Variants in NRXN3 observed in about 807,000 individuals in gnomAD.
The protein encoded by NRXN3 is neurexin III.
In NRXN3, 32 loss-of-function variants were observed where a neutral mutation model predicts 137.6. That is an observed-to-expected ratio of 0.23 (90% CI 0.18 to 0.31). The LOEUF is 0.31. NRXN3 is among the 10% of genes least tolerant of loss of function. The pLI is 1.00. For synonymous variants in NRXN3, 798 were observed against 784.5 expected, an observed-to-expected ratio of 1.02 and a Z score of -0.29; for missense variants, 1,574 against 2,062.5, an observed-to-expected ratio of 0.76 and a Z score of 4.59.
intron 7 of NRXN3, among the ~76,000 whole-genome samples, chr14:78,713,596 TAAAGA>T (rs1482203432): frequency 2.0e-5 from 3 of 152,214 alleles, no homozygotes; most frequent in African/African-American, 7.2e-5. Flanking sequence ...ATGCTGCTAA[TAAAGA>T]CAAACCCAAG....
chr14:78,819,652 A>G (rs2098944929), intron 10 of NRXN3, among the ~76,000 whole-genome samples: 1 of 152,184 alleles, frequency 6.6e-6, no homozygotes, highest in South Asian at 2.1e-4. Context: ...GTAAATTTAA[A>G]TGGAAACTGG....
At chr14:79,643,072 A>T (rs2098439762) in intron 16 of NRXN3, among the ~76,000 whole-genome samples, 1 of 135,918 alleles carries the variant, frequency 7.4e-6, no homozygotes, top group African/African-American at 2.4e-5. Context: ...CTGCTCTGTT[A>T]TTCGTGTGAA....
intron 15 of NRXN3, among the ~76,000 whole-genome samples, chr14:79,367,245 A>G (rs2093931377): frequency 6.6e-6 from 1 of 152,152 alleles, no homozygotes; most frequent in Admixed American, 6.5e-5. Flanking sequence ...AGCCTCCAAA[A>G]GTGCTGGGAT....
At chr14:79,655,588 A>T (rs565792873) in intron 16 of NRXN3, among the ~76,000 whole-genome samples, 1 of 152,112 alleles carries the variant, frequency 6.6e-6, no homozygotes, top group Non-Finnish European at 1.5e-5. Flanking sequence ...CTTTTTTTTC[A>T]TGCAATACAT....
At chr14:79,507,846 G>A (rs1261129703) in intron 16 of NRXN3, among the ~76,000 whole-genome samples, 1 of 152,146 alleles carries the variant, frequency 6.6e-6, no homozygotes, top group Non-Finnish European at 1.5e-5. Context: ...GCAGACAGAA[G>A]TATATAGTGT....
chr14:79,342,016 G>T lies in NRXN3; in HGVS notation c.3263-125205G>T, dbSNP rs923707072. 2.0e-5 allele frequency among the ~76,000 whole-genome samples: 3 copies of T among 152,148 alleles called. 1 individual carries two copies. Among genetic ancestry groups the T allele is most frequent in the African/African-American group, 7.2e-5 (3 of 41,422 alleles). ...CCTGGTTTAAAAGCTAGAATCAAAA[G>T]AATTTTGTCTAGACCTAATGCATAC... is the stretch of plus-strand genomic sequence containing the variant. On this transcript the variant is annotated intron_variant, in intron 15 of 20. Transcript: ENST00000335750.
At chr14:78,394,491 T>C (rs1598185333) in intron 4 of NRXN3, among the ~76,000 whole-genome samples, 1 of 151,888 alleles carries the variant, frequency 6.6e-6, no homozygotes, top group South Asian at 2.1e-4. Flanking sequence ...TTTGTTAAGG[T>C]TTTTTGTGTC....
chr14:78,867,803 T>C (rs1442349138), intron 10 of NRXN3, among the ~76,000 whole-genome samples: 1 of 152,078 alleles, frequency 6.6e-6, no homozygotes, highest in Non-Finnish European at 1.5e-5. Context: ...GACTGTCCAC[T>C]CTTTATCAAA....
chr14:79,257,575 T>TGGTGGTGATGGTGGTGGTGGTGGC, intron 15 of NRXN3, among the ~76,000 whole-genome samples: 3 of 127,540 alleles, frequency 2.4e-5, no homozygotes, highest in Non-Finnish European at 5.0e-5. Flanking sequence ...GTGGTGGTGG[T>TGGTGGTGATGGTGGTGGTGGTGGC]GGTGATGGTA....
At chr14:79,297,686 G>C (rs748382803) in intron 15 of NRXN3, among the ~76,000 whole-genome samples, 9 of 152,114 alleles carry the variant, frequency 5.9e-5, no homozygotes, top group Non-Finnish European at 1.3e-4. Context: ...GTTAAGGACA[G>C]GGTGGTGGCA....
chr14:78,180,307 A>T (rs1468265486), intron 1 of NRXN3, among the ~76,000 whole-genome samples: 1 of 152,232 alleles, frequency 6.6e-6, no homozygotes, highest in Non-Finnish European at 1.5e-5. Context: ...AGGTTGGAAG[A>T]ACAGCCACCT....
chr14:78,880,232 T>A, intron 10 of NRXN3, among the ~76,000 whole-genome samples: 1 of 91,950 alleles, frequency 1.1e-5, no homozygotes, highest in Admixed American at 1.6e-4. Context: ...AGAGCGAGAC[T>A]CCGTCTCAAA....
rs1297701522 is a variant in NRXN3 at position 79,504,670 on chromosome 14, T to TATATATATATAA, written c.3444+37273_3444+37274insTATATAAATATA. Among the ~76,000 whole-genome samples the TATATATATATAA allele has an allele frequency of 7.7e-5, 11 of 143,118 alleles. 1 individual carries two copies. The highest frequency in any genetic ancestry group is 2.9e-4 in the African/African-American group (11 of 37,996). 93.9% of individuals were successfully genotyped at this position (143,118 alleles called of 152,430 possible). A position where few individuals can be genotyped will look rare whatever the true frequency, so the allele number is the denominator to read the frequency against. ...ATATATATATGTATATATATATATA[T>TATATATATATAA]ATATAAAACATTACACATTTAGGAC... On this transcript the variant is annotated intron_variant, in intron 16 of 20. Transcript: ENST00000335750.
intron 10 of NRXN3, among the ~76,000 whole-genome samples, chr14:78,916,614 A>G (rs561626789): frequency 1.3e-5 from 2 of 152,290 alleles, no homozygotes; most frequent in African/African-American, 4.8e-5. Flanking sequence ...TCCGAGACAT[A>G]AGGAGAGGCT....
chr14:79,458,727 T>A (rs900970832), intron 15 of NRXN3, among the ~76,000 whole-genome samples: 5 of 152,192 alleles, frequency 3.3e-5, no homozygotes, highest in African/African-American at 1.2e-4. Context: ...GAAACTAGCA[T>A]GGTTATGAAA....
At chr14:79,100,127 A>G (rs1217224755) in intron 15 of NRXN3, among the ~76,000 whole-genome samples, 1 of 152,168 alleles carries the variant, frequency 6.6e-6, no homozygotes, top group African/African-American at 2.4e-5. Context: ...AATTTTGTAC[A>G]TTGCTTCTCT....
At chr14:79,497,655 A>G (rs372952710) in intron 16 of NRXN3, among the ~76,000 whole-genome samples, 1 of 152,144 alleles carries the variant, frequency 6.6e-6, no homozygotes, top group African/African-American at 2.4e-5. Flanking sequence ...GACTTTTTAA[A>G]TATTGTTTGT....
chr14:78,916,374 T>C (rs1176334390), intron 10 of NRXN3, among the ~76,000 whole-genome samples: 1 of 152,150 alleles, frequency 6.6e-6, no homozygotes, highest in East Asian at 1.9e-4. Context: ...AGACAGTTAA[T>C]GCAGAGTTTT....
intron 10 of NRXN3, among the ~76,000 whole-genome samples, chr14:78,936,786 A>G (rs1454507550): frequency 2.0e-5 from 3 of 152,176 alleles, no homozygotes; most frequent in Non-Finnish European, 4.4e-5. Flanking sequence ...CTTGATAGAG[A>G]GACCACTGAA....
Sources: gnomAD v4.1 joint callset for allele counts (sites outside exome capture counted in the v4.1 genomes callset) on GRCh38, gnomAD v4.1.1 for gene constraint, MANE v1.5 for transcripts, NCBI Gene and HGNC (gene_info 2026-07-23, HGNC 2026-07-21) for gene names.